Variants in MSH3 observed in about 807,000 individuals in gnomAD.
The protein encoded by MSH3 is mutS homolog 3.
A neutral mutation model predicts 123.3 loss-of-function variants in MSH3; 106 were observed. The observed-to-expected ratio is 0.86, with a 90% CI of 0.73 to 1.01. MSH3 has a LOEUF of 1.01. MSH3 is among the 50% of genes least tolerant of loss of function. The probability of loss-of-function intolerance (pLI) is 0.00; values close to 1 mark genes in which losing one functional copy is unlikely to be tolerated. For missense variants in MSH3, 1,459 were observed against 1,347.6 expected, an observed-to-expected ratio of 1.08 and a Z score of -1.29; for synonymous variants, 515 against 481.4, an observed-to-expected ratio of 1.07 and a Z score of -0.91.
chr5:80,844,700 T>C (rs1198280232), intron 20 of MSH3, among the ~76,000 whole-genome samples: 1 of 150,254 alleles, frequency 6.7e-6, no homozygotes, highest in African/African-American at 2.5e-5. Flanking sequence ...AAGTCTGTTT[T>C]ATCAGAGACT....
At chr5:80,860,043 T>C (rs1055678671) in intron 21 of MSH3, among the ~76,000 whole-genome samples, 6 of 152,242 alleles carry the variant, frequency 3.9e-5, no homozygotes, top group African/African-American at 1.4e-4. Context: ...AAAATAATCC[T>C]GATTACTTTC....
intron 20 of MSH3, among the ~76,000 whole-genome samples, chr5:80,829,392 C>G (rs1171693174): frequency 6.6e-6 from 1 of 152,132 alleles, no homozygotes; most frequent in African/African-American, 2.4e-5. Context: ...TATTCCTTAT[C>G]AAGTTGAGGA....
intron 19 of MSH3, among the ~76,000 whole-genome samples, chr5:80,808,863 A>ATATATATATATC (rs1171295488): frequency 1.7e-5 from 2 of 119,430 alleles, no homozygotes; most frequent in Non-Finnish European, 1.7e-5. Flanking sequence ...TTCTTCATAT[A>ATATATATATATC]TATATATATA....
intron 12 of MSH3, among the ~76,000 whole-genome samples, chr5:80,748,717 CA>C (rs1561464996): frequency 5.9e-5 from 9 of 151,546 alleles, no homozygotes; most frequent in East Asian, 3.9e-4. Flanking sequence ...CACACACACA[CA>C]CACACACACA....
chr5:80,694,142 A>G lies in MSH3; in HGVS notation c.1340+15049A>G, dbSNP rs530301710. Among the ~76,000 whole-genome samples the G allele has an allele frequency of 4.6e-5, 7 of 152,348 alleles. No homozygotes were observed. In the South Asian group the frequency reaches 1.5e-3, roughly 32 times the overall value. ...GGAGGGATTATTCAACTGATGCTGCAGGGACAAACAGCTTTCCATACTGTA... is the reference window on the plus strand; with the variant it reads ...GGAGGGATTATTCAACTGATGCTGCGGGGACAAACAGCTTTCCATACTGTA... On this transcript the variant is annotated intron_variant, in intron 8 of 23. Transcript: ENST00000265081.
At chr5:80,874,212 C>A (rs1746269277) in intron 23 of MSH3, among the ~76,000 whole-genome samples, 1 of 152,152 alleles carries the variant, frequency 6.6e-6, no homozygotes, top group African/African-American at 2.4e-5. Flanking sequence ...GCCTATCATA[C>A]TAGCTAAAGA....
intron 20 of MSH3, among the ~76,000 whole-genome samples, chr5:80,843,473 G>A (rs1745663362): frequency 6.6e-6 from 1 of 152,222 alleles, no homozygotes; most frequent in Non-Finnish European, 1.5e-5. Flanking sequence ...AGTTTCAGAA[G>A]GAATGGTACC....
At chr5:80,708,047 T>G (rs2112842728) in intron 8 of MSH3, among the ~76,000 whole-genome samples, 1 of 152,368 alleles carries the variant, frequency 6.6e-6, no homozygotes, top group East Asian at 1.9e-4. Flanking sequence ...AAAAATCCTT[T>G]GTCAGTTATA....
intron 10 of MSH3, among the ~76,000 whole-genome samples, chr5:80,734,122 A>G (rs1359556138): frequency 1.3e-5 from 2 of 152,360 alleles, no homozygotes; most frequent in East Asian, 3.9e-4. Flanking sequence ...TCAACCATAA[A>G]AAGGAATGAA....
At chr5:80,727,332 C>T (rs2112856776) in intron 9 of MSH3, among the ~76,000 whole-genome samples, 1 of 152,306 alleles carries the variant, frequency 6.6e-6, no homozygotes, top group African/African-American at 2.4e-5. Flanking sequence ...ACTTCATTTA[C>T]ACTCTGGTTT....
chr5:80,761,803 G>A lies in MSH3; in HGVS notation c.1896+125G>A, dbSNP rs1329160676. Reference sequence around the variant, plus strand: ...TTGTAAAATCTTACAAATAGCATGCGAGAGTAGCTGAATCCTCAGAAATTT... The same window carrying A: ...TTGTAAAATCTTACAAATAGCATGCAAGAGTAGCTGAATCCTCAGAAATTT... On this transcript the variant is annotated intron_variant, in intron 13 of 23. Coordinates refer to ENST00000265081, the MANE Select transcript of MSH3 (RefSeq NM_002439.5). 2.2e-5 allele frequency: 23 copies of A among 1,031,506 alleles called. 1 individual carries two copies. Among genetic ancestry groups the A allele is most frequent in the East Asian group, 5.2e-5 (2 of 38,436 alleles). The allele number at this position is 1,031,506 out of a possible 1,614,324, so 63.9% of individuals were successfully genotyped here.
chr5:80,815,677 C>CT (rs1745091718), intron 20 of MSH3, among the ~76,000 whole-genome samples: 1 of 152,058 alleles, frequency 6.6e-6, no homozygotes, highest in Non-Finnish European at 1.5e-5. Flanking sequence ...CCCCCACACC[C>CT]TTTTTTTAAA....
chr5:80,696,140 G>A (rs986797582), intron 8 of MSH3, among the ~76,000 whole-genome samples: 1 of 152,320 alleles, frequency 6.6e-6, no homozygotes, highest in East Asian at 1.9e-4. Flanking sequence ...CACCATCCCC[G>A]TAAGGAGTGA....
rs562361496 is a variant in MSH3, at chr5:80,663,378, A to G, written c.359-1765A>G. Reference sequence around the variant, plus strand: ...AGCAGCTAGGCTTGCAGAGAATTACATTTTTGGAGCAATGATATGTGCTCT... The same window carrying G: ...AGCAGCTAGGCTTGCAGAGAATTACGTTTTTGGAGCAATGATATGTGCTCT... On this transcript the variant is annotated intron_variant, in intron 2 of 23. Coordinates refer to ENST00000265081, the MANE Select transcript of MSH3 (RefSeq NM_002439.5). Among the ~76,000 whole-genome samples, 3 of 152,224 alleles carry G rather than the reference A, an allele frequency of 2.0e-5. No individual in the cohort carries two copies. The South Asian group carries it at 6.2e-4, about 32-fold the overall frequency.
chr5:80,805,632 T>C (rs1482185265), intron 19 of MSH3, among the ~76,000 whole-genome samples: 1 of 140,852 alleles, frequency 7.1e-6, no homozygotes, highest in Non-Finnish European at 1.5e-5. Context: ...TCTTACTCTA[T>C]TGCCCAGGCT....
chr5:80,799,901 A>G (rs1157088934), intron 19 of MSH3, among the ~76,000 whole-genome samples: 6 of 152,224 alleles, frequency 3.9e-5, no homozygotes, highest in African/African-American at 7.2e-5. Context: ...GAAGTGATAC[A>G]TAGAAAATCA....
intron 11 of MSH3, among the ~76,000 whole-genome samples, chr5:80,742,580 A>C (rs534872087): frequency 6.6e-6 from 1 of 152,336 alleles, no homozygotes; most frequent in East Asian, 1.9e-4. Flanking sequence ...TAAAGTAAAC[A>C]CTGAATTTAT....
rs1750768226 is a variant in MSH3 at position 80,708,465 on chromosome 5, TA to T, written c.1341-16987del. Among the ~76,000 whole-genome samples, 12 of 147,586 alleles carry T rather than the reference TA, an allele frequency of 8.1e-5. No homozygotes were observed. The South Asian group carries it at 2.3e-3, about 29-fold the overall frequency. ...TGTTTTTAATTAATATTTATTTATT[TA>T]TTTTTTTTAGAGACAGGGTCTCGCT... On this transcript the variant is annotated intron_variant, in intron 8 of 23. Coordinates refer to ENST00000265081, the MANE Select transcript of MSH3 (RefSeq NM_002439.5).
chr5:80,835,892 G>T (rs1054996355), intron 20 of MSH3, among the ~76,000 whole-genome samples: 1 of 151,868 alleles, frequency 6.6e-6, no homozygotes, highest in Non-Finnish European at 1.5e-5. Context: ...TCCAGCCTGG[G>T]CAACAGAGAG....
Sources: gnomAD v4.1 joint callset for allele counts (sites outside exome capture counted in the v4.1 genomes callset) on GRCh38, gnomAD v4.1.1 for gene constraint, MANE v1.5 for transcripts, NCBI Gene and HGNC (gene_info 2026-07-23, HGNC 2026-07-21) for gene names.